Variants in TASP1 observed in about 807,000 individuals in gnomAD.
TASP1 encodes taspase 1, also known as threonine aspartase 1.
TASP1 carries 16 observed loss-of-function variants against 56.6 expected under a neutral mutation model. The observed-to-expected ratio is 0.28, with a 90% CI of 0.19 to 0.43. The LOEUF is 0.43. Among genes scored for constraint, TASP1 ranks in the 20% least tolerant of loss-of-function variants. TASP1 has a pLI of 1.00. For synonymous variants in TASP1, 179 were observed against 184.2 expected, an observed-to-expected ratio of 0.97 and a Z score of 0.23; for missense variants, 393 against 511.6, an observed-to-expected ratio of 0.77 and a Z score of 2.24.
intron 4 of TASP1, among the ~76,000 whole-genome samples, chr20:13,612,491 AACACACACACACACACAC>A (rs34343791): frequency 6.9e-6 from 1 of 143,994 alleles, no homozygotes; most frequent in South Asian, 2.3e-4. Flanking sequence ...ATTTGTAGCA[AACACACACACACACACAC>A]ACACACACAC....
At chr20:13,413,878 G>A (rs1190308513) in intron 13 of TASP1, among the ~76,000 whole-genome samples, 1 of 151,732 alleles carries the variant, frequency 6.6e-6, no homozygotes, top group Non-Finnish European at 1.5e-5. Flanking sequence ...ATATTTTTCT[G>A]ACCCACTGAG....
At chr20:13,489,755 T>C (rs1448649613) in intron 10 of TASP1, among the ~76,000 whole-genome samples, 1 of 152,202 alleles carries the variant, frequency 6.6e-6, no homozygotes, top group Non-Finnish European at 1.5e-5. Context: ...ATTCCTATCA[T>C]AAATAATATA....
the TASP1 span, among the ~76,000 whole-genome samples, chr20:13,247,089 G>A: frequency 6.6e-6 from 1 of 152,034 alleles, no homozygotes; most frequent in Non-Finnish European, 1.5e-5. Flanking sequence ...TACAAAGCCA[G>A]GTGTGGTGGC....
the TASP1 span, among the ~76,000 whole-genome samples, chr20:13,248,529 G>A: frequency 1.3e-5 from 2 of 152,172 alleles, no homozygotes; most frequent in Admixed American, 6.5e-5. Flanking sequence ...CCCAGCAAGT[G>A]ATTTCATAAT....
chr20:13,480,679 T>C (rs965521209), intron 11 of TASP1, among the ~76,000 whole-genome samples: 3 of 152,210 alleles, frequency 2.0e-5, no homozygotes, highest in East Asian at 1.9e-4. Context: ...CTTGGGGAAG[T>C]AGAACTAGCT....
the TASP1 span, among the ~76,000 whole-genome samples, chr20:13,254,460 C>T: frequency 6.6e-6 from 1 of 152,048 alleles, no homozygotes; most frequent in African/African-American, 2.4e-5. Flanking sequence ...AAATACCTGC[C>T]CCCCGCATCT....
chr20:13,228,126 C>T, the TASP1 span, among the ~76,000 whole-genome samples: 1 of 151,948 alleles, frequency 6.6e-6, no homozygotes, highest in Non-Finnish European at 1.5e-5. Context: ...GTACCCACCA[C>T]CATGCCCGGC....
chr20:13,585,774 G>T (rs1230914987), intron 5 of TASP1, among the ~76,000 whole-genome samples: 1 of 152,084 alleles, frequency 6.6e-6, no homozygotes, highest in Non-Finnish European at 1.5e-5. Flanking sequence ...AGTATAAACT[G>T]CAACAATTAC....
the TASP1 span, among the ~76,000 whole-genome samples, chr20:13,234,811 T>C: frequency 1.3e-5 from 2 of 152,378 alleles, no homozygotes; most frequent in South Asian, 2.1e-4. Flanking sequence ...CATTTGGTTT[T>C]TTCTTGCTGA....
At chr20:13,503,427 AG>A (rs1328970179) in intron 10 of TASP1, among the ~76,000 whole-genome samples, 1 of 152,160 alleles carries the variant, frequency 6.6e-6, no homozygotes, top group Non-Finnish European at 1.5e-5. Context: ...CGTAAAAAAA[AG>A]GTTTAAGAGC....
At chr20:13,510,476 A>G (rs1398244432) in intron 10 of TASP1, among the ~76,000 whole-genome samples, 3 of 152,202 alleles carry the variant, frequency 2.0e-5, no homozygotes, top group Non-Finnish European at 4.4e-5. Context: ...TTGATTTTTC[A>G]AAACAAAAAC....
intron 11 of TASP1, among the ~76,000 whole-genome samples, chr20:13,454,975 G>A (rs1164052049): frequency 2.0e-5 from 3 of 152,086 alleles, no homozygotes; most frequent in Non-Finnish European, 4.4e-5. Flanking sequence ...AATTTAAGCT[G>A]ACCTGTTTGA....
At chr20:13,222,678 A>G in the TASP1 span, among the ~76,000 whole-genome samples, 2 of 152,204 alleles carry the variant, frequency 1.3e-5, no homozygotes, top group Non-Finnish European at 2.9e-5. Flanking sequence ...CTTCAGGGCA[A>G]GGAGAGGGCG....
intron 11 of TASP1, among the ~76,000 whole-genome samples, chr20:13,442,828 T>C (rs1051047665): frequency 1.3e-5 from 2 of 152,064 alleles, no homozygotes; most frequent in Non-Finnish European, 2.9e-5. Context: ...GATTCCATAT[T>C]TTTTGTGGAA....
intron 4 of TASP1, among the ~76,000 whole-genome samples, chr20:13,607,062 T>C (rs796923831): frequency 6.6e-6 from 1 of 152,342 alleles, no homozygotes; most frequent in African/African-American, 2.4e-5. Flanking sequence ...GAATCTAATC[T>C]TTTCAAGATT....
intron 7 of TASP1, among the ~76,000 whole-genome samples, chr20:13,562,277 T>G (rs1202594608): frequency 3.9e-5 from 6 of 152,106 alleles, no homozygotes; most frequent in Non-Finnish European, 8.8e-5. Flanking sequence ...AGGGAAAATT[T>G]TATGGCTATA....
At chr20:13,120,805 C>T in the TASP1 span, among the ~76,000 whole-genome samples, 489 of 152,338 alleles carry the variant, frequency 3.2e-3, 2 homozygotes, top group African/African-American at 0.011. Flanking sequence ...TGCTGCCAGG[C>T]TGTGATCCCC....
intron 10 of TASP1, among the ~76,000 whole-genome samples, chr20:13,518,044 G>A (rs1027979452): frequency 2.0e-5 from 3 of 152,112 alleles, no homozygotes; most frequent in Non-Finnish European, 4.4e-5. Flanking sequence ...GTTTTATCTA[G>A]GCTCACATCT....
At chr20:13,394,596 A>T (rs576876450) in intron 13 of TASP1, among the ~76,000 whole-genome samples, 186 of 151,588 alleles carry the variant, frequency 1.2e-3, no homozygotes, top group Non-Finnish European at 2.1e-3. Flanking sequence ...TGGGCGACAG[A>T]GCGAGACTCT....
Sources: allele counts gnomAD v4.1 joint callset (sites outside exome capture counted in the v4.1 genomes callset), GRCh38; gene constraint gnomAD v4.1.1; transcripts MANE v1.5; gene names NCBI Gene and HGNC (gene_info 2026-07-23, HGNC 2026-07-21).